Variants in METAP2 observed in about 807,000 individuals in gnomAD.
METAP2 encodes the protein methionine aminopeptidase 2.
In METAP2, 25 loss-of-function variants were observed where a neutral mutation model predicts 59.4. The observed-to-expected ratio is 0.42, with a 90% CI of 0.31 to 0.59. The LOEUF (loss-of-function observed/expected upper bound fraction) is 0.59, where lower values mean the gene tolerates loss of function less well. METAP2 is among the 20% of genes least tolerant of loss of function. The pLI is 0.16. For missense variants in METAP2, 366 were observed against 581.2 expected (o/e 0.63, Z 3.81); for synonymous variants, 214 against 194.1 (o/e 1.10, Z -0.85).
Position 95,482,287 on chromosome 12 carries a change from A to G in METAP2, c.260-928A>G, listed in dbSNP as rs140621529. On this transcript the variant is annotated intron_variant, in intron 2 of 10. Transcript: ENST00000323666. ...CCACCACACCTGGATAATTTTTTGT[A>G]CTTTTAGTAGAGACAGGGTTTCACC... is the stretch of plus-strand genomic sequence containing the variant. 74 of 370,084 alleles carry G rather than the reference A, an allele frequency of 2.0e-4. No individual in the cohort carries two copies. In the East Asian group the frequency reaches 5.3e-3, roughly 26 times the overall value. 22.9% of individuals were successfully genotyped at this position (370,084 alleles called of 1,614,324 possible). A position where few individuals can be genotyped will look rare whatever the true frequency, so the allele number is the denominator to read the frequency against.
chr12:95,512,093 A>G lies in METAP2; in HGVS notation c.1068+95A>G, dbSNP rs569385682. 3.0e-5 allele frequency: 24 copies of G among 793,330 alleles called. No individual in the cohort carries two copies. The South Asian group carries it at 5.3e-4, about 17-fold the overall frequency. 49.1% of individuals were successfully genotyped at this position (793,330 alleles called of 1,614,324 possible). On this transcript the variant is annotated intron_variant, in intron 9 of 10. Transcript: ENST00000323666. Reference sequence around the variant, plus strand: ...TTAAATATATGGTTATACTGACCAGAATTAGCTGCTTATCATCCATATTCA... The same window carrying G: ...TTAAATATATGGTTATACTGACCAGGATTAGCTGCTTATCATCCATATTCA...
intron 4 of METAP2, among the ~76,000 whole-genome samples, chr12:95,493,465 C>T (rs2076254206): frequency 6.6e-6 from 1 of 152,132 alleles, no homozygotes; most frequent in Non-Finnish European, 1.5e-5. Flanking sequence ...CAGAGTAAGA[C>T]CCTGTCTCTT....
chr12:95,485,047 T>C (rs988507436), intron 3 of METAP2, among the ~76,000 whole-genome samples: 1 of 152,256 alleles, frequency 6.6e-6, no homozygotes, highest in Non-Finnish European at 1.5e-5. Flanking sequence ...GGGAAAATTA[T>C]AAATGTTAGT....
At chr12:95,498,487 A>G (rs1217805116) in intron 7 of METAP2, among the ~76,000 whole-genome samples, 1 of 152,144 alleles carries the variant, frequency 6.6e-6, no homozygotes, top group African/African-American at 2.4e-5. Context: ...CTTTGGTGTC[A>G]TATCCAGTAA....
intron 3 of METAP2, 154 bp from the exon 4 acceptor site, chr12:95,485,725 C>T: frequency 3.7e-6 from 2 of 537,526 alleles, no homozygotes; most frequent in Non-Finnish European, 6.4e-6. Context: ...AGGAGGTGGC[C>T]AGCATGATGA....
At chr12:95,489,459 G>A (rs1370203616) in intron 4 of METAP2, among the ~76,000 whole-genome samples, 3 of 152,030 alleles carry the variant, frequency 2.0e-5, no homozygotes, top group Non-Finnish European at 4.4e-5. Context: ...AAGATAGTGT[G>A]GTGTGTTTGC....
At chr12:95,487,248 A>G (rs1245507421) in intron 4 of METAP2, among the ~76,000 whole-genome samples, 3 of 152,218 alleles carry the variant, frequency 2.0e-5, no homozygotes, top group Non-Finnish European at 4.4e-5. Context: ...TGCTTAATCC[A>G]GTGGTTGCAG....
chr12:95,504,225 C>G (rs576623021), intron 8 of METAP2, 64 bp downstream of exon 8: 2 of 1,072,374 alleles, frequency 1.9e-6, no homozygotes. Flanking sequence ...CGAGTGTTTT[C>G]TTTGGGTCAG....
At position 95,474,295 on chromosome 12, in the gene METAP2, G is replaced by A; in HGVS notation, c.116G>A (p.Arg39Lys). 1 of 1,614,196 alleles carries A rather than the reference G, an allele frequency of 6.2e-7. No individual in the cohort carries two copies. The highest frequency in any genetic ancestry group is 8.5e-7 in the Non-Finnish European group (1 of 1,180,030). ...STAEEAAKKK[R>K]RKKKKSKGPS... ...GCTGAGGAAGCAGCCAAGAAAAAAA[G>A]ACGAAAGAAGAAGAAGAGCAAAGGG... Residue 39 changes from arginine (R) to lysine (K), a missense_variant, in exon 1 of 11, where the codon AGA (arginine) becomes AAA (lysine). By Grantham distance (26) the Arg-to-Lys change is conservative (BLOSUM62 2). Transcript: ENST00000323666.
chr12:95,510,338 A>G (rs1310980097), intron 8 of METAP2, among the ~76,000 whole-genome samples: 2 of 152,198 alleles, frequency 1.3e-5, no homozygotes, highest in African/African-American at 4.8e-5. Context: ...TAATTTATAA[A>G]GAACAGAAAT....
At chr12:95,483,611 A>G (rs2076175538) in intron 3 of METAP2, 1 of 178,134 alleles carries the variant, frequency 5.6e-6, no homozygotes, top group Non-Finnish European at 1.2e-5. Context: ...AGTGAAACTA[A>G]TAATTATTTA....
intron 4 of METAP2, among the ~76,000 whole-genome samples, chr12:95,490,947 A>AT (rs1329387508): frequency 3.3e-5 from 5 of 152,262 alleles, no homozygotes; most frequent in African/African-American, 4.8e-5. Flanking sequence ...TAGGTTAAAC[A>AT]TTTTTGACAG....
At chr12:95,507,017 C>T (rs1194034986) in intron 8 of METAP2, among the ~76,000 whole-genome samples, 1 of 151,878 alleles carries the variant, frequency 6.6e-6, no homozygotes, top group Non-Finnish European at 1.5e-5. Context: ...ATCTGCCCAC[C>T]TTGGCCTCCT....
At chr12:95,477,356 G>T (rs755890017) in intron 2 of METAP2, among the ~76,000 whole-genome samples, 1 of 152,156 alleles carries the variant, frequency 6.6e-6, no homozygotes, top group African/African-American at 2.4e-5. Flanking sequence ...CTCCCAAGGT[G>T]CTGGGATTAC....
At chr12:95,489,128 C>A (rs1166870011) in intron 4 of METAP2, among the ~76,000 whole-genome samples, 1 of 151,906 alleles carries the variant, frequency 6.6e-6, no homozygotes, top group African/African-American at 2.4e-5. Flanking sequence ...AATCCCGTTT[C>A]TGTTTCTTTA....
Position 95,484,824 on chromosome 12 carries a change from C to G in METAP2, c.326-1055C>G, listed in dbSNP as rs1328660817. The stretch of plus-strand genomic sequence containing the variant: ...AATAATTTTTTTTTAATGTTGGCTA[C>G]TAAAGGGCTTAGAGCCAAATGTGTG... On this transcript the variant is annotated intron_variant, in intron 3 of 10. Coordinates refer to ENST00000323666, the MANE Select transcript of METAP2 (RefSeq NM_006838.4). 4 of 454,036 alleles carry G rather than the reference C, an allele frequency of 8.8e-6. No homozygotes were observed. In the Admixed American group the frequency reaches 9.5e-5, roughly 11 times the overall value. The allele number at this position is 454,036 out of a possible 1,614,324, so 28.1% of individuals were successfully genotyped here. A position where few individuals can be genotyped will look rare whatever the true frequency, so the allele number is the denominator to read the frequency against.
intron 3 of METAP2, among the ~76,000 whole-genome samples, chr12:95,485,157 A>T (rs2076186707): frequency 6.6e-6 from 1 of 151,326 alleles, no homozygotes; most frequent in African/African-American, 2.4e-5. Context: ...CCAGGATTTC[A>T]TCTGATCGTT....
intron 8 of METAP2, among the ~76,000 whole-genome samples, chr12:95,510,916 G>A (rs2076397216): frequency 6.6e-6 from 1 of 151,998 alleles, no homozygotes; most frequent in Admixed American, 6.6e-5. Flanking sequence ...ATATGTAATT[G>A]TGCCTTTTTC....
intron 8 of METAP2, among the ~76,000 whole-genome samples, chr12:95,506,148 G>A (rs1178139861): frequency 2.6e-5 from 4 of 151,998 alleles, no homozygotes; most frequent in Non-Finnish European, 5.9e-5. Context: ...GGAGTGCAGT[G>A]GCACGGTTGC....
Sources: gnomAD v4.1 joint callset for allele counts (sites outside exome capture counted in the v4.1 genomes callset) on GRCh38, gnomAD v4.1.1 for gene constraint, MANE v1.5 for transcripts, NCBI Gene and HGNC (gene_info 2026-07-23, HGNC 2026-07-21) for gene names.